AGBL4: variants seen among roughly 807,000 people sequenced by gnomAD.
AGBL4 encodes the protein cytosolic carboxypeptidase 6.
In AGBL4, 58 loss-of-function variants were observed where a neutral mutation model predicts 66.4. The observed-to-expected ratio is 0.87, with a 90% CI of 0.71 to 1.09. The LOEUF is 1.09. AGBL4 is among the 50% of genes least tolerant of loss of function. The pLI, the probability that AGBL4 is intolerant of heterozygous loss-of-function variation, is 0.00. For synonymous variants in AGBL4, 234 were observed against 222.9 expected (o/e 1.05, Z -0.44); for missense variants, 579 against 631.0 (o/e 0.92, Z 0.88).
chr1:48,786,466 G>A (rs1251275738), intron 6 of AGBL4, among the ~76,000 whole-genome samples: 3 of 152,208 alleles, frequency 2.0e-5, no homozygotes, highest in Non-Finnish European at 4.4e-5. Flanking sequence ...ACAAGGAGCT[G>A]AAATGACTAT....
In AGBL4 at chr1:49,583,657, G is replaced by A. The variant is rs561063322; in HGVS notation, c.282+113656C>T. Among the ~76,000 whole-genome samples the A allele has an allele frequency of 1.1e-4, 17 of 152,158 alleles. No individual in the cohort carries two copies. In the South Asian group the frequency reaches 3.5e-3, roughly 32 times the overall value. On this transcript the variant is annotated intron_variant, in intron 3 of 13. Coordinates refer to ENST00000371839, the MANE Select transcript of AGBL4 (RefSeq NM_032785.4). ...GTAGGGCACACAATTGGTAGCTGGA[G>A]AATTGTTCTGTCATATGGAAAACAG... is the stretch of plus-strand genomic sequence containing the variant.
rs530534821 is a variant in AGBL4 at position 49,066,766 on chromosome 1, C to A, written c.378-20966G>T. Among the ~76,000 whole-genome samples the A allele has an allele frequency of 7.2e-5, 11 of 152,194 alleles. No individual in the cohort carries two copies. In the South Asian group the frequency reaches 1.5e-3, roughly 20 times the overall value. ...ATCTATGTCCCTGGGAGCAGCAAAG[C>A]CTTAGTTGATCAAAAGTGCCTTTGA... is the stretch of plus-strand genomic sequence containing the variant. On this transcript the variant is annotated intron_variant, in intron 4 of 13. Coordinates refer to ENST00000371839, the MANE Select transcript of AGBL4 (RefSeq NM_032785.4).
chr1:49,289,254 C>A (rs529130391), intron 3 of AGBL4, among the ~76,000 whole-genome samples: 2 of 151,904 alleles, frequency 1.3e-5, no homozygotes, highest in African/African-American at 2.4e-5. Flanking sequence ...GTTTAAATAA[C>A]ATATTAGATC....
intron 5 of AGBL4, among the ~76,000 whole-genome samples, chr1:49,002,580 C>T (rs1661474655): frequency 1.3e-5 from 2 of 152,164 alleles, no homozygotes; most frequent in African/African-American, 4.8e-5. Context: ...ACATTAAGGT[C>T]TCATCGGTTT....
At chr1:49,712,760 AC>A (rs1647770786) in intron 2 of AGBL4, among the ~76,000 whole-genome samples, 1 of 151,970 alleles carries the variant, frequency 6.6e-6, no homozygotes, top group Non-Finnish European at 1.5e-5. Context: ...GGGTTAGACC[AC>A]TTGGATTGAA....
chr1:49,359,741 A>G (rs1644097735), intron 3 of AGBL4, among the ~76,000 whole-genome samples: 1 of 152,110 alleles, frequency 6.6e-6, no homozygotes, highest in African/African-American at 2.4e-5. Context: ...CCAGCTCAGA[A>G]AGTGAAATAA....
At chr1:49,653,025 C>T (rs1646041383) in intron 3 of AGBL4, among the ~76,000 whole-genome samples, 1 of 152,092 alleles carries the variant, frequency 6.6e-6, no homozygotes, top group African/African-American at 2.4e-5. Flanking sequence ...TGAGACCTCC[C>T]AACAGGAGTC....
At chr1:49,372,741 CTT>C (rs1491578599) in intron 3 of AGBL4, among the ~76,000 whole-genome samples, 1 of 140,154 alleles carries the variant, frequency 7.1e-6, no homozygotes, top group Non-Finnish European at 1.6e-5. Flanking sequence ...CCCTCTCTCT[CTT>C]CTCTCTCTCT....
At chr1:48,623,883 C>T (rs1283214955) in intron 9 of AGBL4, among the ~76,000 whole-genome samples, 2 of 152,056 alleles carry the variant, frequency 1.3e-5, no homozygotes, top group Non-Finnish European at 2.9e-5. Context: ...CTGGGGTAAA[C>T]TGGAGTAGTT....
At chr1:49,596,988 A>T (rs1644864838) in intron 3 of AGBL4, among the ~76,000 whole-genome samples, 1 of 152,214 alleles carries the variant, frequency 6.6e-6, no homozygotes, top group Admixed American at 6.5e-5. Flanking sequence ...TTGAAAACCA[A>T]GCATGCATAT....
At chr1:48,721,963 C>T (rs918197136) in intron 6 of AGBL4, among the ~76,000 whole-genome samples, 20 of 152,018 alleles carry the variant, frequency 1.3e-4, no homozygotes, top group African/African-American at 4.8e-4. Flanking sequence ...AACCAAGAGG[C>T]TAAAGTGGAT....
chr1:49,169,159 A>G (rs1432260042), intron 4 of AGBL4, among the ~76,000 whole-genome samples: 2 of 152,188 alleles, frequency 1.3e-5, no homozygotes, highest in African/African-American at 4.8e-5. Context: ...AGCATTTTAG[A>G]CTAGCAAAGC....
chr1:49,550,953 T>C (rs993484714), intron 3 of AGBL4, among the ~76,000 whole-genome samples: 2 of 152,138 alleles, frequency 1.3e-5, no homozygotes, highest in South Asian at 4.1e-4. Context: ...GGTTTGGTCA[T>C]TTAACATAAT....
intron 4 of AGBL4, among the ~76,000 whole-genome samples, chr1:49,143,251 G>T (rs1646152793): frequency 6.6e-6 from 1 of 152,120 alleles, no homozygotes; most frequent in Admixed American, 6.5e-5. Flanking sequence ...TTAGTTCTGG[G>T]CACATACTGC....
chr1:49,878,029 G>A (rs1290159400), intron 1 of AGBL4, among the ~76,000 whole-genome samples: 3 of 151,752 alleles, frequency 2.0e-5, no homozygotes, highest in East Asian at 3.9e-4. Context: ...TTTTTATTGT[G>A]TCTCTTTGAT....
chr1:49,475,184 A>G (rs1297154079), intron 3 of AGBL4, among the ~76,000 whole-genome samples: 1 of 151,994 alleles, frequency 6.6e-6, no homozygotes, highest in Non-Finnish European at 1.5e-5. Flanking sequence ...TCCTGCATCT[A>G]TTGAGATAAT....
At chr1:49,899,641 C>T (rs1478611805) in intron 1 of AGBL4, among the ~76,000 whole-genome samples, 7 of 152,144 alleles carry the variant, frequency 4.6e-5, no homozygotes, top group Admixed American at 4.6e-4. Context: ...CTTTCTTTGC[C>T]TATAGAATCA....
intron 4 of AGBL4, among the ~76,000 whole-genome samples, chr1:49,080,264 G>T (rs1159315288): frequency 6.6e-6 from 1 of 152,082 alleles, no homozygotes; most frequent in Admixed American, 6.6e-5. Flanking sequence ...GTACAAAGCT[G>T]AACTATTTTC....
At chr1:49,586,716 G>A (rs1204034653) in intron 3 of AGBL4, among the ~76,000 whole-genome samples, 3 of 152,026 alleles carry the variant, frequency 2.0e-5, no homozygotes, top group South Asian at 2.1e-4. Context: ...TGCTCTTTTC[G>A]TTAAAGCAGC....
Sources: gnomAD v4.1 joint callset for allele counts (sites outside exome capture counted in the v4.1 genomes callset) on GRCh38, gnomAD v4.1.1 for gene constraint, MANE v1.5 for transcripts, NCBI Gene and HGNC (gene_info 2026-07-23, HGNC 2026-07-21) for gene names.